Variants in RNLS observed in about 807,000 individuals in gnomAD.
RNLS encodes renalase, FAD dependent amine oxidase, also known as renalase.
Under a neutral mutation model 39.8 loss-of-function variants are expected in RNLS, and 39 were observed. The observed-to-expected ratio is 0.98, with a 90% CI of 0.76 to 1.28. The LOEUF (loss-of-function observed/expected upper bound fraction) is 1.28, where lower values mean the gene tolerates loss of function less well. Among genes scored for constraint, RNLS ranks in the 50% most tolerant of loss-of-function variants. The pLI, the probability that RNLS is intolerant of heterozygous loss-of-function variation, is 0.00. For missense variants in RNLS, 410 were observed against 413.3 expected (o/e 0.99, Z 0.07); for synonymous variants, 147 against 150.7 (o/e 0.98, Z 0.18).
chr10:88,306,346 T>C (rs11528433), intron 6 of RNLS, among the ~76,000 whole-genome samples: 21,716 of 151,790 alleles, frequency 0.14, 1,714 homozygotes, highest in East Asian at 0.34. Flanking sequence ...CTGAAAGAGA[T>C]TGAGACACAA....
chr10:88,339,843 T>A (rs1279537461), intron 5 of RNLS, among the ~76,000 whole-genome samples: 1 of 152,236 alleles, frequency 6.6e-6, no homozygotes, highest in Non-Finnish European at 1.5e-5. Flanking sequence ...AGTGAATATG[T>A]ATGTATGTAC....
At chr10:88,378,121 C>T (rs1851170847) in intron 4 of RNLS, among the ~76,000 whole-genome samples, 1 of 152,090 alleles carries the variant, frequency 6.6e-6, no homozygotes, top group Non-Finnish European at 1.5e-5. Context: ...GGAGCATTAA[C>T]ACACATGAAG....
intron 4 of RNLS, among the ~76,000 whole-genome samples, chr10:88,571,699 C>A (rs1232166795): frequency 6.6e-6 from 1 of 152,144 alleles, no homozygotes; most frequent in South Asian, 2.1e-4. Flanking sequence ...TTTTGTTTCT[C>A]ATATCTGAAT....
At chr10:88,518,673 G>C (rs1846537241) in intron 4 of RNLS, among the ~76,000 whole-genome samples, 1 of 151,928 alleles carries the variant, frequency 6.6e-6, no homozygotes, top group African/African-American at 2.4e-5. Flanking sequence ...TTAAGCACTT[G>C]TTTTGGAAAA....
At chr10:88,492,184 T>G (rs114672927) in intron 4 of RNLS, among the ~76,000 whole-genome samples, 2,969 of 152,142 alleles carry the variant, frequency 0.02, 89 homozygotes, top group African/African-American at 0.067. Flanking sequence ...ACCTGACCCC[T>G]GCTGCCATTG....
exon 7 of RNLS, chr10:88,274,604 TG>T (rs1163351837): frequency 4.4e-6 from 1 of 225,868 alleles, no homozygotes; most frequent in East Asian, 9.8e-5. Flanking sequence ...CCATGGACAC[TG>T]GGTTGCTTCC....
At chr10:88,359,423 C>T (rs1355743432) in intron 5 of RNLS, among the ~76,000 whole-genome samples, 2 of 151,974 alleles carry the variant, frequency 1.3e-5, no homozygotes, top group African/African-American at 4.8e-5. Flanking sequence ...TCAACTAGAC[C>T]CATTTAGTAC....
At chr10:88,496,580 AC>A (rs767919590) in intron 4 of RNLS, among the ~76,000 whole-genome samples, 1 of 152,116 alleles carries the variant, frequency 6.6e-6, no homozygotes, top group Non-Finnish European at 1.5e-5. Flanking sequence ...AGGGAAATGC[AC>A]AAAAATCTGC....
At position 88,513,551 on chromosome 10, in the gene RNLS, C is replaced by T. The variant is rs113758863; in HGVS notation, c.526+59352G>A. 1.1e-3 allele frequency among the ~76,000 whole-genome samples: 173 copies of T among 152,156 alleles called. 1 individual carries two copies. The highest frequency in any genetic ancestry group is 3.9e-3 in the African/African-American group (162 of 41,544). The stretch of plus-strand genomic sequence containing the variant: ...TCATCCCTTCATCACTCTATGAATC[C>T]ATTGTAATTTTTTATTAATTTCTGA... On this transcript the variant is annotated intron_variant, in intron 4 of 6. Transcript: ENST00000331772.
At chr10:88,268,764 G>C in the RNLS span, among the ~76,000 whole-genome samples, 1 of 152,306 alleles carries the variant, frequency 6.6e-6, no homozygotes, top group East Asian at 1.9e-4. Context: ...AGCAGCTTTG[G>C]CTCAGATCTT....
At chr10:88,190,620 T>A in the RNLS span, among the ~76,000 whole-genome samples, 1 of 152,202 alleles carries the variant, frequency 6.6e-6, no homozygotes, top group Non-Finnish European at 1.5e-5. Context: ...TACAGCAAGT[T>A]TTCTAGTTTC....
At chr10:88,332,962 A>G (rs1455882320) in intron 5 of RNLS, among the ~76,000 whole-genome samples, 1 of 152,198 alleles carries the variant, frequency 6.6e-6, no homozygotes, top group African/African-American at 2.4e-5. Flanking sequence ...CTCTTTCTCC[A>G]TCCTGATTGT....
At chr10:88,522,036 C>A (rs1846776043) in intron 4 of RNLS, among the ~76,000 whole-genome samples, 1 of 152,028 alleles carries the variant, frequency 6.6e-6, no homozygotes, top group Non-Finnish European at 1.5e-5. Context: ...TGGTACTATA[C>A]CAGAACTCCA....
intron 6 of RNLS, among the ~76,000 whole-genome samples, chr10:88,292,325 C>T (rs1046501993): frequency 6.6e-6 from 1 of 151,440 alleles, no homozygotes; most frequent in South Asian, 2.1e-4. Context: ...TCCACTTTTG[C>T]TAAAGAGCTT....
intron 6 of RNLS, among the ~76,000 whole-genome samples, chr10:88,295,349 GTACCTAATATTCATAAAGAGCTT>G (rs1421347374): frequency 1.3e-5 from 2 of 152,068 alleles, no homozygotes; most frequent in African/African-American, 4.8e-5. Flanking sequence ...TTATGCTACA[GTACCTAATATTCATAAAGAGCTT>G]TATCAACACA....
chr10:88,417,637 C>T (rs917178884), intron 4 of RNLS, among the ~76,000 whole-genome samples: 3 of 152,198 alleles, frequency 2.0e-5, no homozygotes, highest in Non-Finnish European at 2.9e-5. Context: ...CAAAGGCCAG[C>T]TCCTGAAATA....
intron 1 of RNLS, 75 bp from the exon 2 acceptor site, chr10:88,582,382 TACCC>T: frequency 6.3e-6 from 7 of 1,118,246 alleles, no homozygotes; most frequent in Non-Finnish European, 7.7e-6. Context: ...CACCTTAGGT[TACCC>T]CAAACAGATT....
chr10:88,267,718 C>T, the RNLS span, among the ~76,000 whole-genome samples: 1 of 152,126 alleles, frequency 6.6e-6, no homozygotes, highest in African/African-American at 2.4e-5. Context: ...AAAGTCAGAC[C>T]TTCCCATTTT....
At chr10:88,404,957 G>T (rs1309733603) in intron 4 of RNLS, among the ~76,000 whole-genome samples, 1 of 152,056 alleles carries the variant, frequency 6.6e-6, no homozygotes, top group Non-Finnish European at 1.5e-5. Flanking sequence ...ATATTCTCCA[G>T]ATGAAGATAA....
Sources: gnomAD v4.1 joint callset for allele counts (sites outside exome capture counted in the v4.1 genomes callset) on GRCh38, gnomAD v4.1.1 for gene constraint, MANE v1.5 for transcripts, NCBI Gene and HGNC (gene_info 2026-07-23, HGNC 2026-07-21) for gene names.